The following CD163L1 variants were observed in gnomAD, a reference collection of about 807,000 sequenced individuals.
CD163L1 encodes scavenger receptor cysteine-rich type 1 protein M160.
A neutral mutation model predicts 165.4 loss-of-function variants in CD163L1; 124 were observed. That is an observed-to-expected ratio of 0.75 (90% CI 0.65 to 0.87). The LOEUF (loss-of-function observed/expected upper bound fraction) is 0.87. Ranked by LOEUF, CD163L1 falls within the 40% of genes least tolerant of loss-of-function variation. CD163L1 has a pLI of 0.00. For missense variants in CD163L1, 1,525 were observed against 1,799.9 expected, an observed-to-expected ratio of 0.85 and a Z score of 2.76; for synonymous variants, 585 against 662.2, an observed-to-expected ratio of 0.88 and a Z score of 1.79.
chr12:7,342,121 A>C (rs1591857053), downstream of CD163L1, among the ~76,000 whole-genome samples: 2 of 152,280 alleles, frequency 1.3e-5, no homozygotes, highest in African/African-American at 4.8e-5. Flanking sequence ...CAGGCCCCCC[A>C]AAATCTGGCC....
the CD163L1 span, among the ~76,000 whole-genome samples, chr12:7,338,152 C>A: frequency 6.6e-6 from 1 of 152,018 alleles, no homozygotes; most frequent in African/African-American, 2.4e-5. Flanking sequence ...ATGTCACACA[C>A]TGGGGCTTGT....
At chr12:7,436,964 T>C (rs1948722780) in intron 2 of CD163L1, among the ~76,000 whole-genome samples, 1 of 150,942 alleles carries the variant, frequency 6.6e-6, no homozygotes, top group African/African-American at 2.4e-5. Context: ...AAGTGATATG[T>C]GATAAAATAA....
intron 4 of CD163L1, among the ~76,000 whole-genome samples, chr12:7,408,236 A>G (rs956811263): frequency 3.3e-5 from 5 of 152,092 alleles, no homozygotes; most frequent in Non-Finnish European, 7.4e-5. Context: ...TATTTAATAA[A>G]TTAACAAAGT....
chr12:7,401,361 T>C (rs1043180015), intron 6 of CD163L1, among the ~76,000 whole-genome samples: 1 of 151,980 alleles, frequency 6.6e-6, no homozygotes, highest in Non-Finnish European at 1.5e-5. Context: ...GTTAATATGA[T>C]ATAGTGGAAT....
At chr12:7,348,474 A>T (rs1946685785) in intron 4 of CD163L1, among the ~76,000 whole-genome samples, 1 of 152,216 alleles carries the variant, frequency 6.6e-6, no homozygotes, top group Non-Finnish European at 1.5e-5. Context: ...ATTCCAGCCC[A>T]TCCATTAGTG....
chr12:7,368,182 A>G lies in CD163L1; in HGVS notation c.4088T>C (p.Ile1363Thr), dbSNP rs770840577. The change falls in exon 17 of 20, where the codon ATT becomes ACT. Residue 1363 changes from isoleucine to threonine, a missense_variant. Coordinates refer to ENST00000313599, the MANE Select transcript of CD163L1 (RefSeq NM_174941.6). This position sits in a 1 kb window ranked among gnomAD's most constrained non-coding sequence, Gnocchi z 4.3. ...LNASSGHLAL[I>T]LSSIFGLLLL... ...AAGGAGCCCAAAGATACTGGATAAA[A>G]TAAGTGCTAAATGACCTGTATAGAA... 1 of 1,589,352 alleles carries G rather than the reference A, an allele frequency of 6.3e-7. No individual in the cohort carries two copies. Among genetic ancestry groups the G allele is most frequent in the Non-Finnish European group, 8.6e-7 (1 of 1,157,760 alleles).
chr12:7,439,370 T>A, intron 2 of CD163L1: 1 of 1,600,544 alleles, frequency 6.2e-7, no homozygotes, highest in Non-Finnish European at 8.5e-7. Context: ...TTAGTTCTTC[T>A]TTGGCTTCAG....
In CD163L1 at chr12:7,406,569, G is replaced by A. The variant is rs749314796; in HGVS notation, c.1050C>T (p.Asp350=). Residue 350 remains aspartate (D), a synonymous_variant, in exon 5 of 20, where the codon GAC becomes GAT. Transcript: ENST00000313599. The part of the protein sequence containing the change: ...DCRHSGTVNF[D]CLHQNDVSVI... ...CAGACACATCGTTTTGATGAAGACA[G>A]TCAAAATTGACGGTTCCGGAATGTC... The A allele has an allele frequency of 1.9e-6, 3 of 1,614,048 alleles. No homozygotes were observed. Among genetic ancestry groups the A allele is most frequent in the Admixed American group, 3.3e-5 (2 of 60,004 alleles).
At chr12:7,435,553 T>A (rs1308276743) in intron 2 of CD163L1, among the ~76,000 whole-genome samples, 2 of 151,894 alleles carry the variant, frequency 1.3e-5, no homozygotes, top group East Asian at 3.9e-4. Context: ...TGGCAAAAAT[T>A]TAGAACTCTG....
intron 4 of CD163L1, among the ~76,000 whole-genome samples, chr12:7,427,149 G>A (rs1053698859): frequency 6.6e-6 from 1 of 151,548 alleles, no homozygotes; most frequent in African/African-American, 2.4e-5. Flanking sequence ...AATTCAAACA[G>A]AAAATCAATA....
intron 4 of CD163L1, among the ~76,000 whole-genome samples, chr12:7,422,771 G>GTA (rs1459257954): frequency 1.4e-5 from 2 of 145,118 alleles, no homozygotes; most frequent in African/African-American, 5.1e-5. Flanking sequence ...GTGTGTGTGT[G>GTA]TGTATATATA....
chr12:7,421,970 C>T (rs781605242), intron 4 of CD163L1, among the ~76,000 whole-genome samples: 2 of 152,116 alleles, frequency 1.3e-5, no homozygotes, highest in South Asian at 4.1e-4. Flanking sequence ...TCAAGTGGGT[C>T]CCTGAACTCC....
intron 18 of CD163L1, among the ~76,000 whole-genome samples, chr12:7,365,227 GA>G (rs1266770403): frequency 2.0e-5 from 3 of 152,050 alleles, no homozygotes; most frequent in Non-Finnish European, 4.4e-5. Flanking sequence ...GCACAAGAAT[GA>G]AACTAGACTC....
the CD163L1 span, among the ~76,000 whole-genome samples, chr12:7,325,848 A>G: frequency 9.8e-5 from 15 of 152,342 alleles, no homozygotes; most frequent in East Asian, 2.7e-3. Context: ...ACAATTTGTC[A>G]GCATCGTTCC....
chr12:7,341,749 C>T (rs1946639059), downstream of CD163L1, among the ~76,000 whole-genome samples: 1 of 152,112 alleles, frequency 6.6e-6, no homozygotes, highest in African/African-American at 2.4e-5. Context: ...GACAAAAGAA[C>T]CCAGGGATTC....
the CD163L1 span, among the ~76,000 whole-genome samples, chr12:7,321,303 G>A: frequency 6.6e-6 from 1 of 152,260 alleles, no homozygotes; most frequent in African/African-American, 2.4e-5. Context: ...TGACTTGAAG[G>A]TCATATTCAA....
At chr12:7,421,658 CAT>C (rs1948437655) in intron 4 of CD163L1, among the ~76,000 whole-genome samples, 1 of 55,788 alleles carries the variant, frequency 1.8e-5, no homozygotes, top group African/African-American at 5.5e-5. Flanking sequence ...CATATATGTA[CAT>C]ATATACATAT....
intron 14 of CD163L1, among the ~76,000 whole-genome samples, chr12:7,370,734 A>G (rs116766813): frequency 5.6e-4 from 86 of 152,242 alleles, no homozygotes; most frequent in African/African-American, 1.8e-3. Flanking sequence ...CTCATAGCCA[A>G]ACATCTTGAG....
rs1947952684 is a variant in CD163L1 at position 7,403,520 on chromosome 12, A to G, written c.1408+15T>C. The G allele has an allele frequency of 1.3e-6, 2 of 1,599,550 alleles. No homozygotes were observed. Among genetic ancestry groups the G allele is most frequent in the African/African-American group, 1.3e-5 (1 of 74,514 alleles). On this transcript the variant is annotated intron_variant, in intron 6 of 19. Coordinates refer to ENST00000313599, the MANE Select transcript of CD163L1 (RefSeq NM_174941.6). ...AAATTCAAATGTGTACACTCTCATG[A>G]TCTTTGAACCTTACCAGAACAAATT...
Sources: gnomAD v4.1 joint callset for allele counts (sites outside exome capture counted in the v4.1 genomes callset) on GRCh38, gnomAD v4.1.1 for gene constraint, Gnocchi (gnomAD v3.1) non-coding constraint, MANE v1.5 for transcripts, NCBI Gene and HGNC (gene_info 2026-07-23, HGNC 2026-07-21) for gene names.